Variants in SCYL2 observed in about 807,000 individuals in gnomAD.
SCYL2 encodes the protein SCY1 like pseudokinase 2.
In SCYL2, 36 loss-of-function variants were observed where a neutral mutation model predicts 100.4. The ratio of observed to expected loss-of-function variants is 0.36; its 90% CI spans 0.27 to 0.47. The LOEUF (loss-of-function observed/expected upper bound fraction) is 0.47. Ranked by LOEUF, SCYL2 falls within the 20% of genes least tolerant of loss-of-function variation. The pLI is 1.00. For synonymous variants in SCYL2, 330 were observed against 359.2 expected (o/e 0.92, Z 0.92); for missense variants, 902 against 1,083.9 (o/e 0.83, Z 2.36).
intron 4 of SCYL2, among the ~76,000 whole-genome samples, chr12:100,304,388 G>T (rs1419803498): frequency 6.6e-6 from 1 of 152,122 alleles, no homozygotes; most frequent in East Asian, 1.9e-4. Context: ...TGGTGGTGTA[G>T]GTACCTGAGG....
chr12:100,301,690 T>C (rs1203575016), intron 4 of SCYL2, among the ~76,000 whole-genome samples: 1 of 152,366 alleles, frequency 6.6e-6, no homozygotes, highest in African/African-American at 2.4e-5. Context: ...GTCTGGAAGA[T>C]TGGTCCAGAA....
chr12:100,313,068 G>A (rs1043649028), intron 6 of SCYL2, among the ~76,000 whole-genome samples: 9 of 152,230 alleles, frequency 5.9e-5, no homozygotes, highest in African/African-American at 2.2e-4. Flanking sequence ...GTTTGGGGCT[G>A]CAGTGAGCTA....
intron 16 of SCYL2, 88 bp from the exon 17 acceptor site, chr12:100,337,299 G>C: frequency 6.5e-7 from 1 of 1,534,206 alleles, no homozygotes; most frequent in Admixed American, 2.1e-5. Context: ...GAAGTAGTAA[G>C]ATGTACTTTA....
rs1267267645 is a variant in SCYL2 at position 100,339,797 on chromosome 12, CTT to C, written c.*626_*627del. 1 of 152,618 alleles carries C rather than the reference CTT, an allele frequency of 6.6e-6. No homozygotes were observed. The highest frequency in any genetic ancestry group is 1.5e-5 in the Non-Finnish European group (1 of 68,032). 9.5% of individuals were successfully genotyped at this position (152,618 alleles called of 1,614,324 possible). On this transcript the variant is annotated 3_prime_UTR_variant, in exon 18 of 18. Transcript: ENST00000360820. Reference sequence around the variant, plus strand: ...TTGGTTTAAATGCGTTATTAACCATCTTAAGTGCAAACTAATCATTGTAAATT... The same window carrying C: ...TTGGTTTAAATGCGTTATTAACCATCAAGTGCAAACTAATCATTGTAAATT...
At chr12:100,328,928 G>T (rs1419927277) in intron 12 of SCYL2, among the ~76,000 whole-genome samples, 1 of 152,130 alleles carries the variant, frequency 6.6e-6, no homozygotes. Context: ...ATTGAACCTG[G>T]TTCTGATAAG....
intron 9 of SCYL2, among the ~76,000 whole-genome samples, chr12:100,317,208 T>G (rs1396462669): frequency 1.3e-5 from 2 of 152,200 alleles, no homozygotes. Context: ...AATTTAGGTA[T>G]GTGGAAGAAT....
At chr12:100,298,466 A>T (rs907608536) in intron 4 of SCYL2, among the ~76,000 whole-genome samples, 1 of 152,238 alleles carries the variant, frequency 6.6e-6, no homozygotes, top group Non-Finnish European at 1.5e-5. Flanking sequence ...TTTATAAAAC[A>T]TTCAATTGAA....
chr12:100,311,590 T>A (rs1267350996), intron 5 of SCYL2, among the ~76,000 whole-genome samples: 1 of 152,204 alleles, frequency 6.6e-6, no homozygotes. Context: ...ACACTTTCTC[T>A]GTACTTATTT....
At chr12:100,333,869 A>G (rs1320557878) in intron 13 of SCYL2, 2 of 219,742 alleles carry the variant, frequency 9.1e-6, no homozygotes, top group Non-Finnish European at 1.8e-5. Flanking sequence ...AATTTATACA[A>G]GGCCCCTGAA....
At chr12:100,291,054 T>G (rs1216143923) in intron 2 of SCYL2, among the ~76,000 whole-genome samples, 1 of 152,236 alleles carries the variant, frequency 6.6e-6, no homozygotes. Context: ...ATTATTCATA[T>G]GTAAAAGATA....
rs775959917 is a variant in SCYL2, at chr12:100,334,221, A to G, written c.1817A>G (p.His606Arg). 6 of 1,606,102 alleles carry G rather than the reference A, an allele frequency of 3.7e-6. No homozygotes were observed. Among genetic ancestry groups the G allele is most frequent in the African/African-American group, 1.3e-5 (1 of 74,922 alleles). Residue 606 changes from histidine to arginine, a missense_variant, in exon 14 of 18, where the codon CAT (histidine) becomes CGT (arginine). Physicochemically the swap from His to Arg is conservative, Grantham distance 29. Coordinates refer to ENST00000360820, the MANE Select transcript of SCYL2 (RefSeq NM_017988.6). ...ATGCTTAATAGATTGGAGTCTGAAC[A>G]TAAGACTAAACTGGAGCAACTTCAT... is the stretch of plus-strand genomic sequence containing the variant. ...KEMLNRLESE[H>R]KTKLEQLHIM...
chr12:100,275,240 C>T (rs1392927594), intron 1 of SCYL2, among the ~76,000 whole-genome samples: 2 of 151,578 alleles, frequency 1.3e-5, no homozygotes, highest in African/African-American at 4.9e-5. Flanking sequence ...CTCACCCTGT[C>T]ACCCAGGCTG....
In SCYL2 at chr12:100,312,619, A is replaced by G. The variant is rs2096343588; in HGVS notation, c.818A>G (p.Asp273Gly). 2.5e-6 allele frequency: 4 copies of G among 1,612,768 alleles called. No homozygotes were observed. Among genetic ancestry groups the G allele is most frequent in the Non-Finnish European group, 2.5e-6 (3 of 1,179,210 alleles). Residue 273 changes from aspartate (D) to glycine (G), a missense_variant, in exon 6 of 18, where the codon GAT (aspartate) becomes GGT (glycine). By Grantham distance (94) the Asp-to-Gly change is moderately conservative. Transcript: ENST00000360820. ...CCTATATTTGAAGTCAACAAGCAAG[A>G]TATTTACAAGAGTTTCAGTAGGCAG... ...GKPIFEVNKQ[D>G]IYKSFSRQLD...
chr12:100,277,639 CT>C (rs1337983814), intron 1 of SCYL2, among the ~76,000 whole-genome samples: 1 of 152,022 alleles, frequency 6.6e-6, no homozygotes, highest in African/African-American at 2.4e-5. Context: ...TTAGGTCTTG[CT>C]TTTTTATCCA....
chr12:100,271,760 T>C (rs775901425), intron 1 of SCYL2, among the ~76,000 whole-genome samples: 5 of 151,954 alleles, frequency 3.3e-5, no homozygotes, highest in Non-Finnish European at 5.9e-5. Flanking sequence ...TGCTTTATAA[T>C]ATTTTATTCT....
At chr12:100,336,888 ATAG>A (rs747534874) in intron 16 of SCYL2, among the ~76,000 whole-genome samples, 6 of 152,180 alleles carry the variant, frequency 3.9e-5, no homozygotes, top group Non-Finnish European at 7.4e-5. Context: ...ACTACTGGAC[ATAG>A]TAGTTTACAA....
Position 100,323,648 on chromosome 12 carries a change from T to A in SCYL2, c.1509+10T>A, listed in dbSNP as rs749177905. 11 of 1,436,868 alleles carry A rather than the reference T, an allele frequency of 7.7e-6. No homozygotes were observed. In the Middle Eastern group the frequency reaches 1.2e-3, roughly 160 times the overall value. 89.0% of individuals were successfully genotyped at this position (1,436,868 alleles called of 1,614,324 possible). On this transcript the variant is annotated intron_variant, in intron 11 of 17. Coordinates refer to ENST00000360820, the MANE Select transcript of SCYL2 (RefSeq NM_017988.6). ...AACATCTTCCCTTGCGGTAAGTAAT[T>A]GCATATTAATTTTTGTTTTTCTTTT...
At chr12:100,310,149 C>T (rs542438754) in intron 4 of SCYL2, among the ~76,000 whole-genome samples, 45 of 152,260 alleles carry the variant, frequency 3.0e-4, no homozygotes, top group African/African-American at 8.9e-4. Flanking sequence ...GAGGCACGCG[C>T]CACCATGCCT....
Position 100,314,494 on chromosome 12 carries a change from C to G in SCYL2, c.975C>G (p.Pro325=). 2 of 1,576,640 alleles carry G rather than the reference C, an allele frequency of 1.3e-6. No homozygotes were observed. The highest frequency in any genetic ancestry group is 1.7e-6 in the Non-Finnish European group (2 of 1,156,898). Residue 325 remains proline (P), a synonymous_variant, in exon 8 of 18, where the codon CCC becomes CCG. Coordinates refer to ENST00000360820, the MANE Select transcript of SCYL2 (RefSeq NM_017988.6). ...TTTATTTCCATTTTTTTTAGATTCC[C>G]TTCTTTGATGATGTTGGTGCAGTAA... ...RPDADQMTKI[P]FFDDVGAVTL... is the part of the protein sequence containing the mutation.
Sources: allele counts gnomAD v4.1 joint callset (sites outside exome capture counted in the v4.1 genomes callset), GRCh38; gene constraint gnomAD v4.1.1; transcripts MANE v1.5; gene names NCBI Gene and HGNC (gene_info 2026-07-23, HGNC 2026-07-21).